The following SMAP1 variants were observed in gnomAD, a reference collection of about 807,000 sequenced individuals.
SMAP1 encodes the protein stromal membrane-associated protein 1.
In SMAP1, 24 loss-of-function variants were observed where a neutral mutation model predicts 58.5. That is an observed-to-expected ratio of 0.41 (90% CI 0.30 to 0.58). The LOEUF (loss-of-function observed/expected upper bound fraction) is 0.58, where lower values mean the gene tolerates loss of function less well. Ranked by LOEUF, SMAP1 falls within the 20% of genes least tolerant of loss-of-function variation. The pLI is 0.29. For synonymous variants in SMAP1, 216 were observed against 196.6 expected (o/e 1.10, Z -0.82); for missense variants, 563 against 566.3 (o/e 0.99, Z 0.06).
intron 1 of SMAP1, among the ~76,000 whole-genome samples, chr6:70,671,103 G>T (rs918507681): frequency 6.6e-6 from 1 of 152,172 alleles, no homozygotes. Flanking sequence ...GAGCAGTGAG[G>T]ACTGGGAATG....
Position 70,804,020 on chromosome 6 carries a change from T to A in SMAP1, c.576+5283T>A, listed in dbSNP as rs1264376454. On this transcript the variant is annotated intron_variant, in intron 6 of 10. Coordinates refer to ENST00000370455, the MANE Select transcript of SMAP1 (RefSeq NM_001044305.3). ...TTATTAGGTCCACTTGGTGCAGAGA[T>A]GAGTTCAAGTCCTGGATATCTTTGT... 1.3e-5 allele frequency among the ~76,000 whole-genome samples: 2 copies of A among 152,204 alleles called. 1 individual carries two copies. The highest frequency in any genetic ancestry group is 1.3e-4 in the Admixed American group (2 of 15,282).
At chr6:70,796,687 A>G (rs1164044716) in intron 5 of SMAP1, among the ~76,000 whole-genome samples, 1 of 152,080 alleles carries the variant, frequency 6.6e-6, no homozygotes, top group African/African-American at 2.4e-5. Context: ...AACTATCCCA[A>G]CTTTCTAGAT....
At chr6:70,810,220 G>A (rs938942690) in intron 6 of SMAP1, among the ~76,000 whole-genome samples, 2 of 151,994 alleles carry the variant, frequency 1.3e-5, no homozygotes, top group African/African-American at 4.8e-5. Context: ...TCAGGCATGC[G>A]TAGAACTCCT....
chr6:70,729,061 T>C (rs1240099530), intron 1 of SMAP1, among the ~76,000 whole-genome samples: 1 of 152,210 alleles, frequency 6.6e-6, no homozygotes, highest in Non-Finnish European at 1.5e-5. Context: ...CATTCTCTAC[T>C]TTTACTGCCT....
chr6:70,785,848 T>C (rs946469420), intron 4 of SMAP1, among the ~76,000 whole-genome samples: 8 of 152,172 alleles, frequency 5.3e-5, no homozygotes. Context: ...ACCAGATGGA[T>C]TCACAGCCGA....
At chr6:70,837,708 C>G in intron 7 of SMAP1, 27 of 722,118 alleles carry the variant, frequency 3.7e-5, no homozygotes, top group Non-Finnish European at 4.3e-5. Context: ...AAAGAATTGG[C>G]TTGATGAAAG....
chr6:70,803,366 G>A lies in SMAP1; in HGVS notation c.576+4629G>A, dbSNP rs148585771. 7.5e-4 allele frequency among the ~76,000 whole-genome samples: 114 copies of A among 152,164 alleles called. 2 individuals are homozygous for A. In the East Asian group the frequency reaches 0.021, roughly 28 times the overall value. On this transcript the variant is annotated intron_variant, in intron 6 of 10. Transcript: ENST00000370455. ...TGATACCCCTTTATCATTTTTTATT[G>A]CGTCTATTTGATTCTTTTCTCTTTT...
chr6:70,673,865 C>T (rs1039311637), intron 1 of SMAP1, among the ~76,000 whole-genome samples: 3 of 152,116 alleles, frequency 2.0e-5, no homozygotes, highest in African/African-American at 7.2e-5. Context: ...TGTCTCCCCT[C>T]CTTTTGTTCT....
chr6:70,860,637 A>G lies in SMAP1; in HGVS notation c.*303A>G. The G allele has an allele frequency of 2.3e-6, 1 of 427,012 alleles. No individual in the cohort carries two copies. Among genetic ancestry groups the G allele is most frequent in the Non-Finnish European group, 4.1e-6 (1 of 242,484 alleles). 26.5% of individuals were successfully genotyped at this position (427,012 alleles called of 1,614,324 possible). A position where few individuals can be genotyped will look rare whatever the true frequency, so the allele number is the denominator to read the frequency against. On this transcript the variant is annotated 3_prime_UTR_variant, in exon 11 of 11. Coordinates refer to ENST00000370455, the MANE Select transcript of SMAP1 (RefSeq NM_001044305.3). ...TTCCTCTCAATAAAATTATAGCTCT[A>G]ATGTTTGCATATAAGGGAAGTAGTT... is the stretch of plus-strand genomic sequence containing the variant.
intron 1 of SMAP1, among the ~76,000 whole-genome samples, chr6:70,722,782 A>C (rs1003210478): frequency 6.6e-6 from 1 of 152,240 alleles, no homozygotes; most frequent in African/African-American, 2.4e-5. Flanking sequence ...CGCTCATGCT[A>C]TTTTTTGTGG....
At chr6:70,761,562 G>C (rs1766745978) in intron 3 of SMAP1, among the ~76,000 whole-genome samples, 1 of 151,958 alleles carries the variant, frequency 6.6e-6, no homozygotes, top group Non-Finnish European at 1.5e-5. Flanking sequence ...TTACTCATCT[G>C]TTTAAACTTG....
chr6:70,755,849 G>T (rs1250911461), intron 3 of SMAP1, among the ~76,000 whole-genome samples: 1 of 151,892 alleles, frequency 6.6e-6, no homozygotes, highest in East Asian at 1.9e-4. Flanking sequence ...ATATTTATGT[G>T]AGGCATTGTG....
chr6:70,800,374 T>A (rs1216165154), intron 6 of SMAP1, among the ~76,000 whole-genome samples: 1 of 152,174 alleles, frequency 6.6e-6, no homozygotes, highest in Non-Finnish European at 1.5e-5. Context: ...TATTTTTCTG[T>A]TGGATTGCCT....
chr6:70,825,181 T>C (rs1233536278), intron 6 of SMAP1, among the ~76,000 whole-genome samples: 1 of 152,142 alleles, frequency 6.6e-6, no homozygotes, highest in Non-Finnish European at 1.5e-5. Context: ...ACAAAATAGA[T>C]ATTCAAAGAG....
chr6:70,836,167 T>C (rs551748726), intron 6 of SMAP1, among the ~76,000 whole-genome samples: 3 of 152,232 alleles, frequency 2.0e-5, no homozygotes, highest in Admixed American at 2.0e-4. Flanking sequence ...GATAAAGACA[T>C]ACCCGAGACT....
At chr6:70,763,925 C>T (rs1484330139) in intron 3 of SMAP1, among the ~76,000 whole-genome samples, 1 of 152,050 alleles carries the variant, frequency 6.6e-6, no homozygotes, top group Non-Finnish European at 1.5e-5. Flanking sequence ...TTTGTTTTGT[C>T]TGTTGTTTTG....
At chr6:70,783,705 A>C (rs1042545349) in intron 4 of SMAP1, among the ~76,000 whole-genome samples, 8 of 152,226 alleles carry the variant, frequency 5.3e-5, no homozygotes. Flanking sequence ...GGTATCAGTG[A>C]TGGAAGACGA....
At chr6:70,834,611 T>C (rs1770495268) in intron 6 of SMAP1, among the ~76,000 whole-genome samples, 3 of 152,192 alleles carry the variant, frequency 2.0e-5, no homozygotes, top group African/African-American at 7.2e-5. Context: ...CAGAGTATTA[T>C]AGGCTGTGAT....
chr6:70,674,219 C>A (rs903520342), intron 1 of SMAP1, among the ~76,000 whole-genome samples: 2 of 151,496 alleles, frequency 1.3e-5, no homozygotes, highest in Admixed American at 6.6e-5. Context: ...TTCAAGCAAT[C>A]CTCCCACCTC....
Sources: allele counts gnomAD v4.1 joint callset (sites outside exome capture counted in the v4.1 genomes callset), GRCh38; gene constraint gnomAD v4.1.1; transcripts MANE v1.5; gene names NCBI Gene and HGNC (gene_info 2026-07-23, HGNC 2026-07-21).